Variants in MTA2 observed in about 807,000 individuals in gnomAD.
The protein encoded by MTA2 is metastasis-associated protein MTA2.
Under a neutral mutation model 87.1 loss-of-function variants are expected in MTA2, and 22 were observed. That is an observed-to-expected ratio of 0.25 (90% CI 0.18 to 0.36). The LOEUF is 0.36. Among genes scored for constraint, MTA2 ranks in the 10% least tolerant of loss-of-function variants. The pLI is 1.00. For missense variants in MTA2, 542 were observed against 853.2 expected (o/e 0.64, Z 4.54); for synonymous variants, 314 against 310.1 (o/e 1.01, Z -0.13).
intron 3 of MTA2, 75 bp from the exon 4 acceptor site, chr11:62,598,714 G>A (rs1942133009): frequency 2.3e-6 from 3 of 1,322,136 alleles, no homozygotes; most frequent in African/African-American, 2.9e-5. Context: ...TCTAACTCAG[G>A]GAAAATATTT....
In MTA2 at chr11:62,594,006, G is replaced by A. The variant is rs111400760; in HGVS notation, c.1876C>T (p.Arg626Trp). ...LRKALTHLEM[R>W]RAARRPNLPL... ...AAGTTGGGTCGGCGAGCAGCTCGCC[G>A]CATTTCCAGATGGGTCAGAGCCTTC... The change falls in exon 18 of 18, where the codon CGG becomes TGG. Residue 626 changes from arginine to tryptophan, a missense_variant. By Grantham distance (101) the Arg-to-Trp change is moderately radical. Coordinates refer to ENST00000278823, the MANE Select transcript of MTA2 (RefSeq NM_004739.4). 2.5e-6 allele frequency: 4 copies of A among 1,611,722 alleles called. No homozygotes were observed. The highest frequency in any genetic ancestry group is 3.3e-5 in the Admixed American group (2 of 59,860).
At chr11:62,600,540 A>G (rs1942169738) in intron 2 of MTA2, 82 bp downstream of exon 2, 1 of 1,301,858 alleles carries the variant, frequency 7.7e-7, no homozygotes, top group African/African-American at 1.5e-5. Flanking sequence ...TACTTAGTAT[A>G]GGATCCTCTC....
In MTA2 at chr11:62,594,343, C is replaced by G; in HGVS notation, c.1757G>C (p.Ser586Thr). Residue 586 changes from serine to threonine, a missense_variant, in exon 17 of 18, where the codon AGC becomes ACC. Coordinates refer to ENST00000278823, the MANE Select transcript of MTA2 (RefSeq NM_004739.4). ...GRPLASGIRSSSQPAAKRQKL... is the reference protein window; with the variant it reads ...GRPLASGIRSTSQPAAKRQKL... Reference sequence around the variant, plus strand: ...CTGACGCTTGGCTGCTGGCTGTGAGCTTGAACGAATCCCTGAAGCCAGAGG... The same window carrying G: ...CTGACGCTTGGCTGCTGGCTGTGAGGTTGAACGAATCCCTGAAGCCAGAGG... 1 of 1,614,200 alleles carries G rather than the reference C, an allele frequency of 6.2e-7. No homozygotes were observed. The highest frequency in any genetic ancestry group is 8.5e-7 in the Non-Finnish European group (1 of 1,180,040).
intron 1 of MTA2, chr11:62,601,151 T>G: frequency 2.5e-4 from 119 of 478,984 alleles, no homozygotes; most frequent in Middle Eastern, 5.7e-4. Flanking sequence ...TCGGAACCGG[T>G]TCCGAAGGCC....
In MTA2 at chr11:62,594,366, A is replaced by G; in HGVS notation, c.1734T>C (p.Pro578=). The G allele has an allele frequency of 6.2e-7, 1 of 1,614,212 alleles. No homozygotes were observed. Among genetic ancestry groups the G allele is most frequent in the Non-Finnish European group, 8.5e-7 (1 of 1,180,028 alleles). Residue 578 remains proline (P), a synonymous_variant, in exon 17 of 18, where the codon CCT becomes CCC. Coordinates refer to ENST00000278823, the MANE Select transcript of MTA2 (RefSeq NM_004739.4). The part of the protein sequence containing the change: ...AGVPFSANGR[P]LASGIRSSSQ... ...AGCTTGAACGAATCCCTGAAGCCAG[A>G]GGCCTTCCATTGGCAGAGAAAGGAA...
In MTA2 at chr11:62,601,664, T is replaced by C. The variant is rs12277678; in HGVS notation, c.-214A>G. Reference sequence around the variant, plus strand: ...AGCTATCGCCTCACTCCCGGGACGCTGAGGCTGGCCCCCGTCCGCTCGGCT... The same window carrying C: ...AGCTATCGCCTCACTCCCGGGACGCCGAGGCTGGCCCCCGTCCGCTCGGCT... On this transcript the variant is annotated 5_prime_UTR_variant, in exon 1 of 18. Coordinates refer to ENST00000278823, the MANE Select transcript of MTA2 (RefSeq NM_004739.4). 3.6e-4 allele frequency: 199 copies of C among 557,136 alleles called. No homozygotes were observed. The African/African-American group carries it at 3.9e-3, about 11-fold the overall frequency. The allele number at this position is 557,136 out of a possible 1,614,324, so 34.5% of individuals were successfully genotyped here.
intron 1 of MTA2, chr11:62,601,026 T>C: frequency 2.1e-6 from 1 of 479,848 alleles, no homozygotes; most frequent in Admixed American, 4.0e-5. Context: ...CCCCTACCTT[T>C]TCGAATCGAG....
intron 1 of MTA2, 30 bp from the exon 2 acceptor site, chr11:62,600,719 G>A: frequency 6.3e-7 from 1 of 1,597,818 alleles, no homozygotes; most frequent in Non-Finnish European, 8.6e-7. Context: ...GGAGAACCAC[G>A]AAGATCAGAG....
Position 62,600,604 on chromosome 11 carries a change from G to T in MTA2, c.96+18C>A, listed in dbSNP as rs780265800. 6.2e-7 allele frequency: 1 copy of T among 1,610,388 alleles called. No homozygotes were observed. The highest frequency in any genetic ancestry group is 8.5e-7 in the Non-Finnish European group (1 of 1,177,208). ...AGACCACTGCGGGAGGGAGGGAGAG[G>T]GATTCTGCTCCACTCACCTTGTTGA... On this transcript the variant is annotated intron_variant, in intron 2 of 17. Coordinates refer to ENST00000278823, the MANE Select transcript of MTA2 (RefSeq NM_004739.4).
chr11:62,598,643 G>A lies in MTA2; in HGVS notation c.191-4C>T, dbSNP rs1461409340. 1.7e-5 allele frequency: 28 copies of A among 1,612,810 alleles called. No individual in the cohort carries two copies. The highest frequency in any genetic ancestry group is 2.3e-5 in the Non-Finnish European group (27 of 1,179,438). On this transcript the variant is annotated splice_polypyrimidine_tract_variant and splice_region_variant and intron_variant, in intron 3 of 17. Coordinates refer to ENST00000278823, the MANE Select transcript of MTA2 (RefSeq NM_004739.4). The stretch of plus-strand genomic sequence containing the variant: ...TTTGATTCCTCTTCAAACTCCCCTG[G>A]GAGATTAAAGAGGAAGAAACCAAGT...
chr11:62,600,935 G>A (rs1942179554), intron 1 of MTA2: 3 of 524,884 alleles, frequency 5.7e-6, no homozygotes, highest in Non-Finnish European at 1.0e-5. Flanking sequence ...GCAAGAAGCA[G>A]GGGTTCCCCT....
At chr11:62,598,477 C>T (rs967591076) in intron 4 of MTA2, 45 bp downstream of exon 4, 2 of 1,608,228 alleles carry the variant, frequency 1.2e-6, no homozygotes, top group Non-Finnish European at 1.7e-6. Context: ...TCTCCATCTT[C>T]TACGTAAGTG....
At chr11:62,597,765 G>T in intron 6 of MTA2, 53 bp from the exon 7 acceptor site, 1 of 1,470,276 alleles carries the variant, frequency 6.8e-7, no homozygotes, top group Non-Finnish European at 9.5e-7. Flanking sequence ...GGAACAGTTG[G>T]TGTCTTTTCA....
chr11:62,600,652 G>A lies in MTA2; in HGVS notation c.66C>T (p.Tyr22=), dbSNP rs2134328193. Residue 22 remains tyrosine, a synonymous_variant, in exon 2 of 18, where the codon TAC becomes TAT. Coordinates refer to ENST00000278823, the MANE Select transcript of MTA2 (RefSeq NM_004739.4). ...VYFENSSSNP[Y]LVRRIEELNK... ...TGAGCTCCTCAATCCGTCTAACCAG[G>A]TAAGGATTGCTGGAAGAGTTCTCAA... 1.2e-6 allele frequency: 2 copies of A among 1,614,006 alleles called. No individual in the cohort carries two copies. Among genetic ancestry groups the A allele is most frequent in the East Asian group, 2.2e-5 (1 of 44,886 alleles).
In MTA2 at chr11:62,601,764, A is replaced by G; in HGVS notation, c.-314T>C. ...ACCCCCGCCCCCGCGGAGTCCCACT[A>G]GTCGTTGGGCTCTGCCGGCCGCAGG... is the stretch of plus-strand genomic sequence containing the variant. On this transcript the variant is annotated 5_prime_UTR_variant, in exon 1 of 18. Coordinates refer to ENST00000278823, the MANE Select transcript of MTA2 (RefSeq NM_004739.4). The G allele has an allele frequency of 3.9e-6, 2 of 512,900 alleles. No homozygotes were observed. The highest frequency in any genetic ancestry group is 5.8e-5 in the South Asian group (2 of 34,736). 31.8% of individuals were successfully genotyped at this position (512,900 alleles called of 1,614,324 possible). A position where few individuals can be genotyped will look rare whatever the true frequency, so the allele number is the denominator to read the frequency against.
chr11:62,593,937 CAG>C lies in MTA2; in HGVS notation c.1943_1944del (p.Pro648ArgfsTer14), dbSNP rs766071392. The stretch of plus-strand genomic sequence containing the variant: ...GGATGTGAGGGTGCAGGTAGAGGGA[CAG>C]GGGGCCGCACTGCAATCAGCGTTGG... ...VKPTLIAVRP[P>X]VPLPAPSHPA... On this transcript the variant is annotated frameshift_variant, in exon 18 of 18. Coordinates refer to ENST00000278823, the MANE Select transcript of MTA2 (RefSeq NM_004739.4). LOFTEE classifies it high-confidence loss of function. 4 of 1,614,032 alleles carry C rather than the reference CAG, an allele frequency of 2.5e-6. No homozygotes were observed. The highest frequency in any genetic ancestry group is 4.5e-5 in the East Asian group (2 of 44,886).
rs1390404567 is a variant in MTA2, at chr11:62,593,747, GAC to G, written c.*126_*127del. On this transcript the variant is annotated 3_prime_UTR_variant, in exon 18 of 18. Transcript: ENST00000278823. ...CCAGAGGGCGCCCAACCCCTCCAGG[GAC>G]ACACACTCACTTGCTCTCTTCCTTA... is the stretch of plus-strand genomic sequence containing the variant. 5 of 1,221,074 alleles carry G rather than the reference GAC, an allele frequency of 4.1e-6. No individual in the cohort carries two copies. The highest frequency in any genetic ancestry group is 2.8e-4 in the Middle Eastern group (1 of 3,554). 75.6% of individuals were successfully genotyped at this position (1,221,074 alleles called of 1,614,324 possible).
At chr11:62,597,220 T>A in intron 8 of MTA2, 96 bp downstream of exon 8, 2 of 783,676 alleles carry the variant, frequency 2.6e-6, no homozygotes, top group Non-Finnish European at 4.1e-6. Context: ...AAAAAAACAC[T>A]CCCACTCCCT....
chr11:62,596,858 GA>G lies in MTA2; in HGVS notation c.694-34del, dbSNP rs756431717. 2.0e-5 allele frequency: 31 copies of G among 1,567,374 alleles called. No individual in the cohort carries two copies. The East Asian group carries it at 6.7e-4, about 34-fold the overall frequency. ...GAAGATGGAGAGCAACTGAGGACCT[GA>G]AACTTTTGGCACCACTCCCTTCCTG... On this transcript the variant is annotated intron_variant, in intron 8 of 17. Transcript: ENST00000278823.
Sources: gnomAD v4.1 joint callset for allele counts on GRCh38, gnomAD v4.1.1 for gene constraint, MANE v1.5 for transcripts, NCBI Gene and HGNC (gene_info 2026-07-23, HGNC 2026-07-21) for gene names.